IRAG1: variants seen among roughly 807,000 people sequenced by gnomAD.
IRAG1 encodes IP3R-associated cGMP kinase substrate.
A neutral mutation model predicts 106.2 loss-of-function variants in IRAG1; 62 were observed. The ratio of observed to expected loss-of-function variants is 0.58; its 90% confidence interval spans 0.48 to 0.72. The LOEUF (loss-of-function observed/expected upper bound fraction) is 0.72, where lower values mean the gene tolerates loss of function less well. IRAG1 is among the 30% of genes least tolerant of loss of function. The probability of loss-of-function intolerance (pLI) is 0.00; values close to 1 mark genes in which losing one functional copy is unlikely to be tolerated. For missense variants in IRAG1, 1,064 were observed against 1,140.7 expected (o/e 0.93, Z 0.97); for synonymous variants, 462 against 443.9 (o/e 1.04, Z -0.51).
chr11:10,576,243 G>A lies in IRAG1; in HGVS notation c.*89C>T. The A allele has an allele frequency of 1.3e-6, 2 of 1,547,424 alleles. No individual in the cohort carries two copies. The highest frequency in any genetic ancestry group is 1.8e-6 in the Non-Finnish European group (2 of 1,135,794). ...ATGACCTGATGGGATGGGCGGCAGT[G>A]TGTCCACACTTGGGCCTGACGTTAT... On this transcript the variant is annotated 3_prime_UTR_variant, in exon 21 of 21. Transcript: ENST00000423302.
intron 10 of IRAG1, among the ~76,000 whole-genome samples, chr11:10,620,533 T>G (rs980153424): frequency 6.6e-6 from 1 of 152,094 alleles, no homozygotes; most frequent in African/African-American, 2.4e-5. Flanking sequence ...GAAAACAAAG[T>G]GACTATTTTA....
chr11:10,613,437 A>AC (rs60041829), intron 10 of IRAG1, among the ~76,000 whole-genome samples: 1 of 152,128 alleles, frequency 6.6e-6, no homozygotes, highest in Admixed American at 6.5e-5. Context: ...TCCTTCAAGA[A>AC]AAGACAAAAT....
intron 1 of IRAG1, among the ~76,000 whole-genome samples, chr11:10,668,346 A>G (rs1390117907): frequency 1.3e-5 from 2 of 152,272 alleles, no homozygotes; most frequent in East Asian, 3.8e-4. Flanking sequence ...TAAATTAGAT[A>G]TACAGTGTCT....
At chr11:10,594,010 G>C (rs1852975660) in intron 16 of IRAG1, 136 bp downstream of exon 16, 1 of 823,132 alleles carries the variant, frequency 1.2e-6, no homozygotes, top group African/African-American at 1.7e-5. Context: ...ACTTGAGAGT[G>C]TGGAAAGCCG....
intron 10 of IRAG1, among the ~76,000 whole-genome samples, chr11:10,622,266 G>A (rs1378067081): frequency 1.3e-5 from 2 of 152,126 alleles, no homozygotes; most frequent in African/African-American, 4.8e-5. Flanking sequence ...GACTCAGAGA[G>A]GAGGGAGATA....
chr11:10,616,033 C>T (rs1347366315), intron 10 of IRAG1, among the ~76,000 whole-genome samples: 3 of 151,180 alleles, frequency 2.0e-5, no homozygotes, highest in Non-Finnish European at 2.9e-5. Context: ...TGGCTGGGCG[C>T]GGTGGCTCTC....
chr11:10,616,101 C>T lies in IRAG1; in HGVS notation c.1448-6250G>A, dbSNP rs544396052. On this transcript the variant is annotated intron_variant, in intron 10 of 20. Coordinates refer to ENST00000423302, the MANE Select transcript of IRAG1 (RefSeq NM_130385.4). ...CGGGCGGATCACGAGGTCAGGACAT[C>T]GAGACCATCCTGGCTAACGTGGTGA... Among the ~76,000 whole-genome samples the T allele has an allele frequency of 1.1e-3, 171 of 151,150 alleles. 1 individual carries two copies. The highest frequency in any genetic ancestry group is 1.7e-3 in the Non-Finnish European group (115 of 67,682).
At chr11:10,577,115 C>A (rs1414763194) in intron 20 of IRAG1, among the ~76,000 whole-genome samples, 5 of 152,156 alleles carry the variant, frequency 3.3e-5, no homozygotes, top group Non-Finnish European at 7.3e-5. Flanking sequence ...GCTTGATATC[C>A]AGTGATAAAT....
At chr11:10,576,645 T>G in intron 20 of IRAG1, 70 bp from the exon 21 acceptor site, 2 of 1,579,156 alleles carry the variant, frequency 1.3e-6, no homozygotes, top group East Asian at 2.2e-5. Flanking sequence ...GACCCACAGT[T>G]CTCTCTGCGG....
chr11:10,603,297 T>TG (rs1854186995), intron 13 of IRAG1, 46 bp from the exon 14 acceptor site: 1 of 1,602,630 alleles, frequency 6.2e-7, no homozygotes, highest in Non-Finnish European at 8.5e-7. Context: ...AATAATGTTA[T>TG]GGACTAAATC....
In IRAG1 at chr11:10,575,126, C is replaced by T. The variant is rs1850751800; in HGVS notation, c.*1206G>A. The T allele has an allele frequency of 6.6e-6, 1 of 152,170 alleles. No individual in the cohort carries two copies. The highest frequency in any genetic ancestry group is 2.4e-5 in the African/African-American group (1 of 41,442). The allele number at this position is 152,170 out of a possible 1,614,324, so 9.4% of individuals were successfully genotyped here. On this transcript the variant is annotated 3_prime_UTR_variant, in exon 21 of 21. Coordinates refer to ENST00000423302, the MANE Select transcript of IRAG1 (RefSeq NM_130385.4). ...ACATGGAAATCAAACCTCTACAAAACTGATGAAGGCAGTGGCTGTAAAAGT... is the reference window on the plus strand; with the variant it reads ...ACATGGAAATCAAACCTCTACAAAATTGATGAAGGCAGTGGCTGTAAAAGT...
At chr11:10,608,691 A>C (rs1460400296) in intron 11 of IRAG1, among the ~76,000 whole-genome samples, 1 of 152,110 alleles carries the variant, frequency 6.6e-6, no homozygotes, top group African/African-American at 2.4e-5. Context: ...AAAATTGGTT[A>C]TTTATCTTTT....
intron 1 of IRAG1, among the ~76,000 whole-genome samples, chr11:10,684,602 T>TATAATAATAATAATA (rs72177457): frequency 7.2e-6 from 1 of 138,946 alleles, no homozygotes; most frequent in African/African-American, 2.6e-5. Context: ...AAACTTAAAG[T>TATAATAATAATAATA]ATAATAATAA....
chr11:10,576,343 T>C lies in IRAG1; in HGVS notation c.2728A>G (p.Thr910Ala), dbSNP rs1383241808. 1 of 1,613,878 alleles carries C rather than the reference T, an allele frequency of 6.2e-7. No homozygotes were observed. The highest frequency in any genetic ancestry group is 8.5e-7 in the Non-Finnish European group (1 of 1,179,862). The change falls in exon 21 of 21, where the codon ACA (threonine) becomes GCA (alanine). Residue 910 changes from threonine (T) to alanine (A), a missense_variant. Physicochemically the swap from Thr to Ala is moderately conservative, Grantham distance 58. Coordinates refer to ENST00000423302, the MANE Select transcript of IRAG1 (RefSeq NM_130385.4). ...AGGTGTGAGGTTTCCTACTGCTCTG[T>C]AGGCTGCTCATGCTGGAGTCCTGAG... Reference protein sequence around the residue: ...WSSGLQHEQPTEQ With the variant: ...WSSGLQHEQPAEQ
intron 1 of IRAG1, among the ~76,000 whole-genome samples, chr11:10,682,760 AT>A (rs1450491398): frequency 6.6e-6 from 1 of 152,242 alleles, no homozygotes; most frequent in African/African-American, 2.4e-5. Context: ...GGGTGATGAC[AT>A]TCTTTGAAGA....
intron 1 of IRAG1, chr11:10,687,867 G>A: frequency 8.8e-7 from 1 of 1,133,406 alleles, no homozygotes; most frequent in Non-Finnish European, 1.1e-6. Flanking sequence ...ATTTAGCTTT[G>A]CTTTTTTTTG....
rs376790854 is a variant in IRAG1 at position 10,594,172 on chromosome 11, G to A, written c.2041C>T (p.Arg681Trp). Residue 681 changes from arginine (R) to tryptophan (W), a missense_variant, in exon 16 of 21, where the codon CGG (arginine) becomes TGG (tryptophan). Transcript: ENST00000423302. ...TTTCCCAGCGTGAGGGACATGGACC[G>A]TGCCGTGCGAGGGACCCCATCTTCT... The part of the protein sequence containing the change: ...PSEDGVPRTA[R>W]SMSLTLGKNM... The A allele has an allele frequency of 1.4e-5, 22 of 1,610,070 alleles. No homozygotes were observed. The highest frequency in any genetic ancestry group is 2.7e-5 in the African/African-American group (2 of 74,882).
chr11:10,594,139 T>C lies in IRAG1; in HGVS notation c.2067+7A>G, dbSNP rs773449524. On this transcript the variant is annotated splice_region_variant and intron_variant, in intron 16 of 20. Transcript: ENST00000423302. Reference sequence around the variant, plus strand: ...CAGGAGCCCTGGTATTCCTTGAACATGCATACCTTTCCCAGCGTGAGGGAC... The same window carrying C: ...CAGGAGCCCTGGTATTCCTTGAACACGCATACCTTTCCCAGCGTGAGGGAC... The C allele has an allele frequency of 3.1e-6, 5 of 1,604,332 alleles. No individual in the cohort carries two copies. Among genetic ancestry groups the C allele is most frequent in the Non-Finnish European group, 4.3e-6 (5 of 1,175,376 alleles).
Position 10,576,187 on chromosome 11 carries a change from G to A in IRAG1, c.*145C>T. The stretch of plus-strand genomic sequence containing the variant: ...TCACTGTGTATGAATAGCTCCCACA[G>A]AAGTGCCGAGTGTTAAAAGAACCCT... On this transcript the variant is annotated 3_prime_UTR_variant, in exon 21 of 21. Coordinates refer to ENST00000423302, the MANE Select transcript of IRAG1 (RefSeq NM_130385.4). The A allele has an allele frequency of 9.8e-7, 1 of 1,022,404 alleles. No homozygotes were observed. The allele number at this position is 1,022,404 out of a possible 1,614,324, so 63.3% of individuals were successfully genotyped here.
Sources: allele counts gnomAD v4.1 joint callset (sites outside exome capture counted in the v4.1 genomes callset), GRCh38; gene constraint gnomAD v4.1.1; transcripts MANE v1.5; gene names NCBI Gene and HGNC (gene_info 2026-07-23, HGNC 2026-07-21).